KLHL10: variants seen among roughly 807,000 people sequenced by gnomAD.
KLHL10 encodes the protein kelch like family member 10, also known as kelch-like protein 10.
A neutral mutation model predicts 46.6 loss-of-function variants in KLHL10; 11 were observed. The ratio of observed to expected loss-of-function variants is 0.24; its 90% CI spans 0.15 to 0.39. The LOEUF (loss-of-function observed/expected upper bound fraction) is 0.39. KLHL10 is among the 10% of genes least tolerant of loss of function. The pLI is 1.00. For missense variants in KLHL10, 475 were observed against 789.8 expected (o/e 0.60, Z 4.78); for synonymous variants, 254 against 279.1 (o/e 0.91, Z 0.90).
chr17:41,840,561 T>C (rs1017913195), intron 1 of KLHL10, among the ~76,000 whole-genome samples: 11 of 149,972 alleles, frequency 7.3e-5, no homozygotes, highest in African/African-American at 2.7e-4. Flanking sequence ...AGAGAATTGC[T>C]TGAACCTGGG....
intron 1 of KLHL10, among the ~76,000 whole-genome samples, chr17:41,840,132 A>T (rs2048212059): frequency 6.6e-6 from 1 of 152,186 alleles, no homozygotes; most frequent in African/African-American, 2.4e-5. Flanking sequence ...CGCTCAGCTG[A>T]GTCCAGAAAT....
intron 3 of KLHL10, among the ~76,000 whole-genome samples, chr17:41,845,996 G>C (rs1555621372): frequency 6.6e-6 from 1 of 152,054 alleles, no homozygotes; most frequent in African/African-American, 2.4e-5. Context: ...CAGATCACTA[G>C]GTCAGGAGTT....
intron 4 of KLHL10, 59 bp downstream of exon 4, chr17:41,847,469 A>G (rs2048301537): frequency 1.3e-6 from 2 of 1,585,706 alleles, no homozygotes; most frequent in African/African-American, 1.3e-5. Context: ...ATTTTGTATT[A>G]GTAAATGGGT....
chr17:41,841,692 T>C (rs2048227807), intron 1 of KLHL10, 131 bp from the exon 2 acceptor site: 1 of 1,040,052 alleles, frequency 9.6e-7, no homozygotes, highest in Non-Finnish European at 1.5e-6. Context: ...GTCAGAGTTC[T>C]TGGAAAGGTG....
chr17:41,842,154 G>C lies in KLHL10; in HGVS notation c.526G>C (p.Ala176Pro). 6.2e-7 allele frequency: 1 copy of C among 1,614,134 alleles called. No individual in the cohort carries two copies. Among genetic ancestry groups the C allele is most frequent in the South Asian group, 1.1e-5 (1 of 91,082 alleles). Residue 176 changes from alanine (A) to proline (P), a missense_variant, in exon 2 of 5, where the codon GCA becomes CCA. By Grantham distance (27) the Ala-to-Pro change is conservative (BLOSUM62 -1). Coordinates refer to ENST00000293303, the MANE Select transcript of KLHL10 (RefSeq NM_152467.5). ...CTTTGAGGAGATGGTGAAAGTCTCG[G>C]CAGAATTTTTAGAGCTCTCGGTCAC... is the stretch of plus-strand genomic sequence containing the variant. ...HNFEEMVKVS[A>P]EFLELSVTEL... is the part of the protein sequence containing the mutation.
chr17:41,839,724 T>C (rs2048207153), intron 1 of KLHL10, among the ~76,000 whole-genome samples: 1 of 152,150 alleles, frequency 6.6e-6, no homozygotes, highest in Admixed American at 6.6e-5. Context: ...TTTATTTTTA[T>C]TTTTTTGAGA....
At chr17:41,841,686 G>A (rs187465438) in intron 1 of KLHL10, 137 bp from the exon 2 acceptor site, 1 of 970,630 alleles carries the variant, frequency 1.0e-6, no homozygotes, top group African/African-American at 1.6e-5. Flanking sequence ...ACCAAAGTCA[G>A]AGTTCTTGGA....
chr17:41,839,398 T>A (rs1225061922), intron 1 of KLHL10, among the ~76,000 whole-genome samples: 2 of 152,194 alleles, frequency 1.3e-5, no homozygotes, highest in African/African-American at 2.4e-5. Context: ...ACATCCCTAC[T>A]GGATTTCAGA....
At position 41,845,641 on chromosome 17, in the gene KLHL10, A is replaced by G. The variant is rs782641579; in HGVS notation, c.1200A>G (p.Leu400=). The G allele has an allele frequency of 1.9e-6, 3 of 1,613,374 alleles. No individual in the cohort carries two copies. Among genetic ancestry groups the G allele is most frequent in the Non-Finnish European group, 1.7e-6 (2 of 1,179,448 alleles). The change falls in exon 3 of 5, where the codon CTA becomes CTG. Residue 400 remains leucine (L), a synonymous_variant. Transcript: ENST00000293303. ...GAGGATTTGATGGCTACGTGCGTCT[A>G]AACACTGCTGAACGTTATGAGCCAG... The part of the protein sequence containing the change: ...AMGGFDGYVR[L]NTAERYEPET...
upstream of KLHL10, chr17:41,837,644 T>A: frequency 8.6e-7 from 1 of 1,160,402 alleles, no homozygotes. Context: ...TGGTCATGGT[T>A]CTGTTTTGGG....
upstream of KLHL10, chr17:41,836,212 G>T (rs1306275451): frequency 6.4e-6 from 8 of 1,240,636 alleles, no homozygotes; most frequent in African/African-American, 1.3e-4. Context: ...AGGCCTGGTC[G>T]GCGGCTCGCG....
At chr17:41,846,125 C>A (rs1343973524) in intron 3 of KLHL10, among the ~76,000 whole-genome samples, 5 of 151,054 alleles carry the variant, frequency 3.3e-5, no homozygotes, top group African/African-American at 1.2e-4. Context: ...GCAGGAGAAT[C>A]GCTTGAACCC....
chr17:41,837,814 T>C, upstream of KLHL10: 1 of 1,546,624 alleles, frequency 6.5e-7, no homozygotes, highest in Non-Finnish European at 8.7e-7. Flanking sequence ...TTGGGTTGCC[T>C]GATAGACCCT....
At position 41,842,214 on chromosome 17, in the gene KLHL10, A is replaced by G. The variant is rs1046079994; in HGVS notation, c.586A>G (p.Asn196Asp). 6.2e-7 allele frequency: 1 copy of G among 1,614,178 alleles called. No homozygotes were observed. The highest frequency in any genetic ancestry group is 8.5e-7 in the Non-Finnish European group (1 of 1,180,032). Residue 196 changes from asparagine (N) to aspartate (D), a missense_variant, in exon 2 of 5, where the codon AAT becomes GAT. Transcript: ENST00000293303. ...GGATATCATTGAGAAAGATGAGCTCAATGTCAAACAGGAAGATGCTGTATT... is the reference window on the plus strand; with the variant it reads ...GGATATCATTGAGAAAGATGAGCTCGATGTCAAACAGGAAGATGCTGTATT... ...LKDIIEKDEL[N>D]VKQEDAVFEA...
upstream of KLHL10, chr17:41,835,794 C>T: frequency 6.9e-7 from 1 of 1,442,054 alleles, no homozygotes. Context: ...GCGGGAAGGC[C>T]CAATGGGCAG....
In KLHL10 at chr17:41,848,286, G is replaced by C. The variant is rs573423277; in HGVS notation, c.1806G>C (p.Ser602=). 1.3e-5 allele frequency: 21 copies of C among 1,610,950 alleles called. No individual in the cohort carries two copies. Residue 602 remains serine (S), a synonymous_variant, in exon 5 of 5, where the codon TCG becomes TCC. Transcript: ENST00000293303. ...ALRDEVKYSA[S]TSTLPV is the part of the protein sequence containing the mutation. ...GAGATGAAGTAAAATATTCTGCTTC[G>C]ACAAGTACCCTACCTGTATGAGCCT...
At chr17:41,839,108 C>T (rs2048201101) in intron 1 of KLHL10, among the ~76,000 whole-genome samples, 1 of 152,186 alleles carries the variant, frequency 6.6e-6, no homozygotes, top group Non-Finnish European at 1.5e-5. Context: ...TCTTCTGTCT[C>T]AGCCTCCCGA....
intron 1 of KLHL10, among the ~76,000 whole-genome samples, chr17:41,840,547 A>T (rs1348542584): frequency 6.6e-6 from 1 of 151,432 alleles, no homozygotes; most frequent in Non-Finnish European, 1.5e-5. Context: ...CGGGAGGCTG[A>T]GGCAGAGAAT....
Position 41,845,707 on chromosome 17 carries a change from G to C in KLHL10, c.1266G>C (p.Gln422His), listed in dbSNP as rs372533912. The change falls in exon 3 of 5, where the codon CAG (glutamine) becomes CAC (histidine). Residue 422 changes from glutamine (Q) to histidine (H), a missense_variant. By Grantham distance (24) the Gln-to-His change is conservative. Coordinates refer to ENST00000293303, the MANE Select transcript of KLHL10 (RefSeq NM_152467.5). ...QWTLIAPMHEQRSDASATTLY... is the reference protein window; with the variant it reads ...QWTLIAPMHEHRSDASATTLY... ...CACTCATCGCCCCCATGCACGAACAGAGGAGTGATGCAAGCGCCACAACAC... is the reference window on the plus strand; with the variant it reads ...CACTCATCGCCCCCATGCACGAACACAGGAGTGATGCAAGCGCCACAACAC... The C allele has an allele frequency of 1.2e-6, 2 of 1,613,452 alleles. No individual in the cohort carries two copies. Among genetic ancestry groups the C allele is most frequent in the African/African-American group, 2.7e-5 (2 of 74,904 alleles).
Sources: gnomAD v4.1 joint callset for allele counts (sites outside exome capture counted in the v4.1 genomes callset) on GRCh38, gnomAD v4.1.1 for gene constraint, MANE v1.5 for transcripts, NCBI Gene and HGNC (gene_info 2026-07-23, HGNC 2026-07-21) for gene names.